The following N4BP2L2 variants were observed in gnomAD, a reference collection of about 807,000 sequenced individuals.
The protein encoded by N4BP2L2 is NEDD4 binding protein 2 like 2.
N4BP2L2 carries 50 observed loss-of-function variants against 56.2 expected under a neutral mutation model. That is an observed-to-expected ratio of 0.89 (90% CI 0.71 to 1.13). The LOEUF (loss-of-function observed/expected upper bound fraction) is 1.13, where lower values mean the gene tolerates loss of function less well. Among genes scored for constraint, N4BP2L2 ranks in the 50% most tolerant of loss-of-function variants. The pLI, the probability that N4BP2L2 is intolerant of heterozygous loss-of-function variation, is 0.00. For missense variants in N4BP2L2, 689 were observed against 693.8 expected (o/e 0.99, Z 0.08); for synonymous variants, 203 against 223.6 (o/e 0.91, Z 0.82).
chr13:32,458,736 C>A (rs1258504188), intron 6 of N4BP2L2, among the ~76,000 whole-genome samples: 1 of 152,106 alleles, frequency 6.6e-6, no homozygotes, highest in Non-Finnish European at 1.5e-5. Context: ...AGATCACCTA[C>A]ACAGAAAATT....
exon 6 of N4BP2L2, chr13:32,514,620 C>T (rs1260510424): frequency 6.6e-6 from 1 of 152,042 alleles, no homozygotes; most frequent in Admixed American, 6.6e-5. Flanking sequence ...GTCTATACAA[C>T]AGAAAGAGAC....
intron 6 of N4BP2L2, among the ~76,000 whole-genome samples, chr13:32,497,630 A>G (rs116000621): frequency 0.017 from 2,616 of 152,314 alleles, 61 homozygotes; most frequent in African/African-American, 0.051. Context: ...AGTGCCTCCC[A>G]AAGAGCAGAG....
intron 6 of N4BP2L2, among the ~76,000 whole-genome samples, chr13:32,490,903 T>C (rs942373973): frequency 6.6e-5 from 10 of 151,928 alleles, no homozygotes; most frequent in Admixed American, 5.9e-4. Context: ...AGGTCCAAGT[T>C]CCAGGGGTTA....
At chr13:32,439,316 T>C (rs974485903) in intron 7 of N4BP2L2, among the ~76,000 whole-genome samples, 5 of 152,230 alleles carry the variant, frequency 3.3e-5, no homozygotes, top group Non-Finnish European at 5.9e-5. Context: ...GGTAAGCTAG[T>C]TGATGAATGA....
Position 32,518,022 on chromosome 13 carries a change from AT to A in N4BP2L2, c.1551-20del, listed in dbSNP as rs1566161953. 2 of 1,609,184 alleles carry A rather than the reference AT, an allele frequency of 1.2e-6. No individual in the cohort carries two copies. Among genetic ancestry groups the A allele is most frequent in the Non-Finnish European group, 1.7e-6 (2 of 1,178,330 alleles). On this transcript the variant is annotated intron_variant, in intron 5 of 5. Transcript: ENST00000267068. ...ATTCCTCCTAACAAAAAAGAAAAGG[AT>A]TGTAAATCTTTGTTGCAGAATGTAC...
In N4BP2L2 at chr13:32,492,272, A is replaced by ATTTTTT. The variant is rs1185615708; in HGVS notation, c.365+25584_365+25585insAAAAAA. Reference sequence around the variant, plus strand: ...TTTTCTACACATCCCAAAACACCAAAATTTTTTTTTTTTTTTTTTTTTTTT... The same window carrying ATTTTTT: ...TTTTCTACACATCCCAAAACACCAAATTTTTTATTTTTTTTTTTTTTTTTTTTTTTT... On this transcript the variant is annotated intron_variant, in intron 6 of 9. Transcript: ENST00000357505. 1.1e-3 allele frequency among the ~76,000 whole-genome samples: 88 copies of ATTTTTT among 77,062 alleles called. 2 individuals carry two copies. Among genetic ancestry groups the ATTTTTT allele is most frequent in the African/African-American group, 3.9e-3 (68 of 17,562 alleles). The allele number at this position is 77,062 out of a possible 152,430, so 50.6% of individuals were successfully genotyped here. A position where few individuals can be genotyped will look rare whatever the true frequency, so the allele number is the denominator to read the frequency against.
intron 6 of N4BP2L2, among the ~76,000 whole-genome samples, chr13:32,491,986 T>C (rs1011064224): frequency 6.6e-6 from 1 of 152,188 alleles, no homozygotes; most frequent in Admixed American, 6.5e-5. Flanking sequence ...TGAGTTATTA[T>C]GGAATTTGCA....
At chr13:32,505,476 T>C (rs2139652193), downstream of N4BP2L2, 1 of 152,334 alleles carries the variant, frequency 6.6e-6, no homozygotes, top group African/African-American at 2.4e-5. Context: ...TTCCGAATCT[T>C]CAGGCTCTGG....
chr13:32,471,379 A>C (rs966515248), intron 6 of N4BP2L2, among the ~76,000 whole-genome samples: 2 of 152,220 alleles, frequency 1.3e-5, no homozygotes, highest in African/African-American at 4.8e-5. Flanking sequence ...CAGTGAGTTT[A>C]GGGTGCAGGC....
intron 6 of N4BP2L2, among the ~76,000 whole-genome samples, chr13:32,495,081 G>A (rs889319553): frequency 1.6e-5 from 2 of 121,560 alleles, no homozygotes; most frequent in African/African-American, 6.3e-5. Flanking sequence ...AATCTCTCTG[G>A]GACTCTACCT....
rs140824044 is a variant in N4BP2L2, at chr13:32,445,706, T to C, written c.366-1580A>G. ...ACCACACATTACCAATATCAGGCAT[T>C]TGGGCCTGAGGCCAGGGAAGCTAAC... On this transcript the variant is annotated intron_variant, in intron 6 of 9. Coordinates refer to the N4BP2L2 transcript ENST00000357505. 2.4e-3 allele frequency among the ~76,000 whole-genome samples: 367 copies of C among 152,282 alleles called. 1 individual carries two copies. The highest frequency in any genetic ancestry group is 8.4e-3 in the African/African-American group (347 of 41,550).
At chr13:32,525,191 CCAGTAACTCCAAACATTTG>C (rs2140118720) in intron 3 of N4BP2L2, 1 of 152,238 alleles carries the variant, frequency 6.6e-6, no homozygotes, top group South Asian at 2.1e-4. Flanking sequence ...TACCTTTAGG[CCAGTAACTCCAAACATTTG>C]CAGAATTGCA....
intron 4 of N4BP2L2, 156 bp from the exon 5 acceptor site, chr13:32,521,605 C>T (rs1451729973): frequency 9.5e-6 from 5 of 524,904 alleles, no homozygotes; most frequent in African/African-American, 2.0e-5. Context: ...ACAGTTAAGA[C>T]TATTTAACCG....
chr13:32,468,042 C>T (rs548727543), intron 6 of N4BP2L2, among the ~76,000 whole-genome samples: 1 of 152,122 alleles, frequency 6.6e-6, no homozygotes, highest in East Asian at 1.9e-4. Flanking sequence ...TGCTCAGTTT[C>T]AGGAGGCCCT....
chr13:32,433,305 C>A (rs779559672), intron 9 of N4BP2L2, among the ~76,000 whole-genome samples: 1 of 152,210 alleles, frequency 6.6e-6, no homozygotes, highest in Non-Finnish European at 1.5e-5. Flanking sequence ...TCCTAAAGAA[C>A]ACAATTTCTA....
At chr13:32,433,876 A>G (rs2075123021) in intron 9 of N4BP2L2, among the ~76,000 whole-genome samples, 1 of 141,494 alleles carries the variant, frequency 7.1e-6, no homozygotes, top group Admixed American at 7.4e-5. Context: ...GACTGCAGTG[A>G]GCTGAGATTG....
At chr13:32,444,106 G>A in exon 7 of N4BP2L2, 1 of 1,522,696 alleles carries the variant, frequency 6.6e-7, no homozygotes, top group South Asian at 1.3e-5. Context: ...CCTATGCCCA[G>A]TTTTCTTCAA....
At chr13:32,491,124 T>A (rs553906870) in intron 6 of N4BP2L2, among the ~76,000 whole-genome samples, 3 of 151,506 alleles carry the variant, frequency 2.0e-5, no homozygotes, top group Non-Finnish European at 4.4e-5. Flanking sequence ...CCAGAGAAAA[T>A]CCATAGTTCT....
At chr13:32,492,343 C>T (rs941352743) in intron 6 of N4BP2L2, among the ~76,000 whole-genome samples, 1 of 123,970 alleles carries the variant, frequency 8.1e-6, no homozygotes, top group Non-Finnish European at 1.6e-5. Context: ...AGTGCGGTGG[C>T]GCGATCTCTG....
Sources: gnomAD v4.1 joint callset for allele counts (sites outside exome capture counted in the v4.1 genomes callset) on GRCh38, gnomAD v4.1.1 for gene constraint, MANE v1.5 for transcripts, NCBI Gene and HGNC (gene_info 2026-07-23, HGNC 2026-07-21) for gene names.